FHIT: variants seen among roughly 807,000 people sequenced by gnomAD.
FHIT encodes fragile histidine triad diadenosine triphosphatase, also known as bis(5'-adenosyl)-triphosphatase.
FHIT carries 19 observed loss-of-function variants against 17.9 expected under a neutral mutation model. The ratio of observed to expected loss-of-function variants is 1.06; its 90% CI spans 0.74 to 1.56. FHIT has a LOEUF of 1.56. FHIT is among the 40% of genes most tolerant of loss of function. FHIT has a pLI of 0.00. For missense variants in FHIT, 248 were observed against 189.2 expected, an observed-to-expected ratio of 1.31 and a Z score of -1.82; for synonymous variants, 81 against 69.7, an observed-to-expected ratio of 1.16 and a Z score of -0.81.
chr3:60,198,539 T>C (rs202165417), intron 5 of FHIT, among the ~76,000 whole-genome samples: 2 of 75,428 alleles, frequency 2.7e-5, no homozygotes, highest in East Asian at 1.6e-3. Context: ...TCGTGAGTTG[T>C]TTAATTTTCT....
chr3:60,697,000 A>T (rs1490124093), intron 4 of FHIT, among the ~76,000 whole-genome samples: 1 of 152,242 alleles, frequency 6.6e-6, no homozygotes, highest in South Asian at 2.1e-4. Context: ...CTTTTAAAGG[A>T]TTACCCTTTA....
chr3:60,222,284 A>G (rs1703999477), intron 5 of FHIT, among the ~76,000 whole-genome samples: 1 of 152,200 alleles, frequency 6.6e-6, no homozygotes, highest in African/African-American at 2.4e-5. Flanking sequence ...ACTAGGGCAG[A>G]AAAAGTATAA....
At chr3:61,148,153 GAAAC>G (rs879312088) in intron 2 of FHIT, among the ~76,000 whole-genome samples, 9 of 151,466 alleles carry the variant, frequency 5.9e-5, no homozygotes, top group Non-Finnish European at 1.0e-4. Context: ...ATTAATGTTC[GAAAC>G]AAACACACAT....
chr3:61,207,660 T>A (rs4533645), intron 1 of FHIT, among the ~76,000 whole-genome samples: 2 of 151,778 alleles, frequency 1.3e-5, no homozygotes, highest in Admixed American at 6.6e-5. Context: ...GGGATCGGTG[T>A]TGATATCCCC....
intron 5 of FHIT, among the ~76,000 whole-genome samples, chr3:60,407,661 T>C (rs563411290): frequency 1.3e-5 from 2 of 152,208 alleles, no homozygotes; most frequent in South Asian, 4.1e-4. Flanking sequence ...ATTACAAGTG[T>C]GTGCCACCAG....
chr3:61,182,450 C>T (rs1283184188), intron 2 of FHIT, among the ~76,000 whole-genome samples: 1 of 152,162 alleles, frequency 6.6e-6, no homozygotes, highest in Non-Finnish European at 1.5e-5. Context: ...TATATCCCCA[C>T]TGTAAATATC....
intron 3 of FHIT, among the ~76,000 whole-genome samples, chr3:60,862,414 T>G (rs1703953999): frequency 6.6e-6 from 1 of 152,106 alleles, no homozygotes; most frequent in Non-Finnish European, 1.5e-5. Context: ...GGAATTCTCT[T>G]GCCTAGGCCT....
chr3:60,292,772 A>T (rs995179250), intron 5 of FHIT, among the ~76,000 whole-genome samples: 1 of 152,208 alleles, frequency 6.6e-6, no homozygotes, highest in Non-Finnish European at 1.5e-5. Context: ...TATGAAGAAA[A>T]AAAGTGTGCA....
In FHIT at chr3:60,182,401, T is replaced by C. The variant is rs1490253334; in HGVS notation, c.104-168249A>G. On this transcript the variant is annotated intron_variant, in intron 5 of 9. Transcript: ENST00000492590. ...TAGCATCTTTAAGTAGCACAAAACA[T>C]GGCAGCAGACGCTCTCCTTCATATT... 5.9e-5 allele frequency among the ~76,000 whole-genome samples: 9 copies of C among 152,276 alleles called. No individual in the cohort carries two copies. The East Asian group carries it at 1.4e-3, about 23-fold the overall frequency.
At chr3:60,242,900 C>A (rs1333867534) in intron 5 of FHIT, among the ~76,000 whole-genome samples, 3 of 151,894 alleles carry the variant, frequency 2.0e-5, no homozygotes, top group Non-Finnish European at 2.9e-5. Context: ...CATCTCCTTG[C>A]TTTTTGTCAG....
intron 4 of FHIT, among the ~76,000 whole-genome samples, chr3:60,634,886 C>T (rs547668922): frequency 8.5e-5 from 13 of 152,220 alleles, no homozygotes; most frequent in African/African-American, 2.2e-4. Context: ...TAGAGTGAGA[C>T]GCCATCTCTA....
intron 8 of FHIT, among the ~76,000 whole-genome samples, chr3:59,757,201 C>T (rs553196467): frequency 2.2e-4 from 34 of 152,260 alleles, no homozygotes; most frequent in South Asian, 1.2e-3. Flanking sequence ...GGAAAGTGCA[C>T]GCCAAAGTGA....
intron 2 of FHIT, among the ~76,000 whole-genome samples, chr3:61,083,417 C>T (rs536185884): frequency 6.6e-6 from 1 of 152,200 alleles, no homozygotes; most frequent in Non-Finnish European, 1.5e-5. Context: ...GGTGAAACCC[C>T]GTCTCTACTA....
chr3:60,407,067 ATTTT>A (rs34542104), intron 5 of FHIT, among the ~76,000 whole-genome samples: 274 of 62,894 alleles, frequency 4.4e-3, no homozygotes, highest in African/African-American at 0.017. Context: ...CCTGCCAATA[ATTTT>A]TTTTTTTTTT....
chr3:60,113,981 A>C (rs1407093320), intron 5 of FHIT, among the ~76,000 whole-genome samples: 1 of 110,852 alleles, frequency 9.0e-6, no homozygotes, highest in East Asian at 3.1e-4. Flanking sequence ...CAGCCTGGGC[A>C]ATAGAACAAG....
intron 2 of FHIT, among the ~76,000 whole-genome samples, chr3:61,077,231 C>A (rs1244801230): frequency 6.6e-6 from 1 of 152,044 alleles, no homozygotes; most frequent in Non-Finnish European, 1.5e-5. Flanking sequence ...AGTGCAGTGT[C>A]ATTGAATTGG....
At chr3:60,075,651 T>C (rs912291090) in intron 5 of FHIT, among the ~76,000 whole-genome samples, 1 of 152,072 alleles carries the variant, frequency 6.6e-6, no homozygotes, top group Admixed American at 6.6e-5. Flanking sequence ...GGATGTGGTA[T>C]GGAACATTCC....
intron 1 of FHIT, among the ~76,000 whole-genome samples, chr3:61,204,760 G>C (rs1386982922): frequency 6.6e-6 from 1 of 152,238 alleles, no homozygotes; most frequent in East Asian, 1.9e-4. Context: ...GACGGAATAA[G>C]TTATTGTTAG....
At chr3:60,865,275 A>G (rs1471135738) in intron 3 of FHIT, among the ~76,000 whole-genome samples, 1 of 152,200 alleles carries the variant, frequency 6.6e-6, no homozygotes, top group African/African-American at 2.4e-5. Flanking sequence ...GTGGCTATTT[A>G]AATTTAAATA....
Sources: allele counts gnomAD v4.1 joint callset (sites outside exome capture counted in the v4.1 genomes callset), GRCh38; gene constraint gnomAD v4.1.1; transcripts MANE v1.5; gene names NCBI Gene and HGNC (gene_info 2026-07-23, HGNC 2026-07-21).